LARGE1: variants seen among roughly 807,000 people sequenced by gnomAD.
The protein encoded by LARGE1 is LARGE xylosyl- and glucuronyltransferase 1, also known as xylosyl- and glucuronyltransferase LARGE1.
Under a neutral mutation model 87.6 loss-of-function variants are expected in LARGE1, and 43 were observed. The ratio of observed to expected loss-of-function variants is 0.49; its 90% CI spans 0.38 to 0.63. The LOEUF is 0.63. LARGE1 is among the 30% of genes least tolerant of loss of function. LARGE1 has a pLI of 0.00. For missense variants in LARGE1, 802 were observed against 1,000.2 expected (o/e 0.80, Z 2.67); for synonymous variants, 434 against 394.6 (o/e 1.10, Z -1.18).
downstream of LARGE1, among the ~76,000 whole-genome samples, chr22:33,268,155 T>C (rs1331503668): frequency 1.3e-5 from 2 of 151,382 alleles, no homozygotes; most frequent in Admixed American, 6.6e-5. Context: ...GGTTTCACCA[T>C]GTTGGCCAGG....
chr22:33,837,328 T>C (rs1207333784), intron 1 of LARGE1, among the ~76,000 whole-genome samples: 1 of 151,480 alleles, frequency 6.6e-6, no homozygotes, highest in Non-Finnish European at 1.5e-5. Flanking sequence ...ACAGGATATA[T>C]ACACACACAC....
chr22:33,894,953 T>C (rs557152826), intron 1 of LARGE1, among the ~76,000 whole-genome samples: 4 of 152,280 alleles, frequency 2.6e-5, no homozygotes, highest in African/African-American at 9.6e-5. Flanking sequence ...GACAGTTTAA[T>C]GGTTTAATGG....
At chr22:33,554,520 C>T (rs1013331884) in intron 6 of LARGE1, among the ~76,000 whole-genome samples, 1 of 152,082 alleles carries the variant, frequency 6.6e-6, no homozygotes, top group Admixed American at 6.6e-5. Flanking sequence ...TGTCCAAAAC[C>T]GAACTCGCCG....
chr22:33,262,264 C>T (rs1450496529), intron 11 of LARGE1, among the ~76,000 whole-genome samples: 1 of 152,212 alleles, frequency 6.6e-6, no homozygotes, highest in Non-Finnish European at 1.5e-5. Flanking sequence ...CCAGGCCTAC[C>T]ACTTCCTAAA....
intron 6 of LARGE1, among the ~76,000 whole-genome samples, chr22:33,502,802 C>T (rs994043005): frequency 1.3e-5 from 2 of 152,156 alleles, no homozygotes; most frequent in African/African-American, 2.4e-5. Context: ...CTCTTGACCT[C>T]GTGATCTGCC....
chr22:33,308,228 G>C (rs1935157647), intron 11 of LARGE1, among the ~76,000 whole-genome samples: 1 of 152,198 alleles, frequency 6.6e-6, no homozygotes, highest in African/African-American at 2.4e-5. Context: ...TAGAGTCTCA[G>C]TGGGACTAAG....
At chr22:33,889,155 C>T (rs1000328999) in intron 1 of LARGE1, 3 of 151,900 alleles carry the variant, frequency 2.0e-5, no homozygotes, top group Admixed American at 1.3e-4. Flanking sequence ...CCTTCAGAAG[C>T]GTCTTCATTC....
chr22:33,886,745 T>C (rs902775407), intron 1 of LARGE1, among the ~76,000 whole-genome samples: 3 of 147,168 alleles, frequency 2.0e-5, no homozygotes, highest in Admixed American at 6.8e-5. Flanking sequence ...GAGAAAAACA[T>C]GTAAGACATT....
intron 11 of LARGE1, among the ~76,000 whole-genome samples, chr22:33,211,832 C>T (rs1924979967): frequency 6.6e-6 from 1 of 152,152 alleles, no homozygotes; most frequent in Non-Finnish European, 1.5e-5. Flanking sequence ...GCCAAACAGC[C>T]TTATTGCTGA....
chr22:33,376,006 T>C (rs763608166), intron 9 of LARGE1, among the ~76,000 whole-genome samples: 6 of 152,236 alleles, frequency 3.9e-5, no homozygotes, highest in Non-Finnish European at 8.8e-5. Flanking sequence ...AGAAACAAAT[T>C]TGTCTTACTC....
the LARGE1 span, among the ~76,000 whole-genome samples, chr22:33,101,140 T>A: frequency 6.6e-6 from 1 of 152,150 alleles, no homozygotes; most frequent in African/African-American, 2.4e-5. Flanking sequence ...CCACCATGCT[T>A]GGCCTGCATT....
At chr22:33,564,599 C>T (rs2077966581) in intron 6 of LARGE1, among the ~76,000 whole-genome samples, 1 of 152,208 alleles carries the variant, frequency 6.6e-6, no homozygotes, top group East Asian at 1.9e-4. Context: ...ATACAAAATA[C>T]ACACATTTGA....
intron 4 of LARGE1, among the ~76,000 whole-genome samples, chr22:33,624,186 C>A (rs565873862): frequency 1.3e-5 from 2 of 152,076 alleles, no homozygotes; most frequent in South Asian, 4.1e-4. Context: ...TTAATGAACT[C>A]CCCCAGACTG....
intron 11 of LARGE1, among the ~76,000 whole-genome samples, chr22:33,175,191 T>C (rs1410443541): frequency 6.6e-6 from 1 of 151,970 alleles, no homozygotes. Context: ...CACAAATCAA[T>C]GGGCAAAAAC....
intron 2 of LARGE1, among the ~76,000 whole-genome samples, chr22:33,681,184 A>G (rs909190929): frequency 1.3e-5 from 2 of 152,226 alleles, no homozygotes; most frequent in Non-Finnish European, 2.9e-5. Context: ...GTAGATTTAT[A>G]TCTGAAATTG....
intron 1 of LARGE1, among the ~76,000 whole-genome samples, chr22:33,909,739 C>T (rs1276020818): frequency 1.3e-5 from 2 of 151,796 alleles, no homozygotes. Flanking sequence ...GGGGTTTCAC[C>T]GCGTTAGTCA....
At chr22:33,786,748 G>A (rs116414874) in intron 1 of LARGE1, among the ~76,000 whole-genome samples, 3,972 of 152,294 alleles carry the variant, frequency 0.026, 165 homozygotes, top group African/African-American at 0.09. Flanking sequence ...TAGGCTGGGC[G>A]CAGTGGCTCA....
intron 6 of LARGE1, among the ~76,000 whole-genome samples, chr22:33,481,778 G>C (rs550531259): frequency 6.6e-6 from 1 of 152,304 alleles, no homozygotes; most frequent in East Asian, 1.9e-4. Context: ...ACTGCCAACT[G>C]AAACAGAGGT....
chr22:33,802,555 G>A (rs1484588610), intron 1 of LARGE1, among the ~76,000 whole-genome samples: 2 of 152,332 alleles, frequency 1.3e-5, no homozygotes, highest in East Asian at 3.9e-4. Flanking sequence ...TTCTGGTTAT[G>A]AAGACAGGGA....
Sources: gnomAD v4.1 joint callset for allele counts (sites outside exome capture counted in the v4.1 genomes callset) on GRCh38, gnomAD v4.1.1 for gene constraint, MANE v1.5 for transcripts, NCBI Gene and HGNC (gene_info 2026-07-23, HGNC 2026-07-21) for gene names.